SLC24A3: variants seen among roughly 807,000 people sequenced by gnomAD.
SLC24A3 encodes solute carrier family 24 member 3.
A neutral mutation model predicts 75.8 loss-of-function variants in SLC24A3; 28 were observed. The observed-to-expected ratio is 0.37, with a 90% CI of 0.27 to 0.51. The LOEUF is 0.51. Ranked by LOEUF, SLC24A3 falls within the 20% of genes least tolerant of loss-of-function variation. The probability of loss-of-function intolerance (pLI) is 0.94; values close to 1 mark genes in which losing one functional copy is unlikely to be tolerated. For missense variants in SLC24A3, 663 were observed against 847.8 expected (o/e 0.78, Z 2.71); for synonymous variants, 372 against 334.1 (o/e 1.11, Z -1.24).
chr20:19,644,557 C>A (rs1166437169), intron 6 of SLC24A3, among the ~76,000 whole-genome samples: 1 of 152,174 alleles, frequency 6.6e-6, no homozygotes, highest in Non-Finnish European at 1.5e-5. Context: ...CTGCACTCAT[C>A]AGTCTGAGAT....
rs529009940 is a variant in SLC24A3 at position 19,645,000 on chromosome 20, G to A, written c.613-9062G>A. The stretch of plus-strand genomic sequence containing the variant: ...GAGCTGTATCTGTGATGTCGTCTCC[G>A]ATAGAAATGTGAGCAATTGCGTGCT... On this transcript the variant is annotated intron_variant, in intron 6 of 16. Coordinates refer to ENST00000328041, the MANE Select transcript of SLC24A3 (RefSeq NM_020689.4). 3.0e-4 allele frequency among the ~76,000 whole-genome samples: 45 copies of A among 152,326 alleles called. No individual in the cohort carries two copies. In the South Asian group the frequency reaches 6.6e-3, roughly 22 times the overall value.
intron 15 of SLC24A3, among the ~76,000 whole-genome samples, chr20:19,707,285 GA>G (rs1468760132): frequency 2.6e-5 from 4 of 152,176 alleles, no homozygotes; most frequent in Admixed American, 6.5e-5. Flanking sequence ...ATTACAGGGA[GA>G]GGAGGTGAGA....
chr20:19,358,713 AC>A (rs1354310617), intron 2 of SLC24A3, among the ~76,000 whole-genome samples: 1 of 152,226 alleles, frequency 6.6e-6, no homozygotes, highest in Admixed American at 6.5e-5. Context: ...TTGCTGTACA[AC>A]CATCACAGAA....
chr20:19,590,877 AC>A (rs1463377142), intron 6 of SLC24A3, among the ~76,000 whole-genome samples: 1 of 152,168 alleles, frequency 6.6e-6, no homozygotes, highest in Non-Finnish European at 1.5e-5. Flanking sequence ...AGCTCTCATC[AC>A]GTTCTAGACC....
chr20:19,437,626 G>A (rs1568617801), intron 2 of SLC24A3, among the ~76,000 whole-genome samples: 1 of 152,176 alleles, frequency 6.6e-6, no homozygotes, highest in Non-Finnish European at 1.5e-5. Context: ...GGCTTATCCA[G>A]GCCAATTGAC....
chr20:19,493,109 G>A (rs146986966), intron 2 of SLC24A3, among the ~76,000 whole-genome samples: 66 of 152,322 alleles, frequency 4.3e-4, no homozygotes, highest in Middle Eastern at 3.4e-3. Flanking sequence ...GCCTGGCCTC[G>A]TTGCCATGGT....
At position 19,665,251 on chromosome 20, in the gene SLC24A3, T is replaced by C. The variant is rs544874259; in HGVS notation, c.688-613T>C. 2.6e-5 allele frequency among the ~76,000 whole-genome samples: 4 copies of C among 152,332 alleles called. No individual in the cohort carries two copies. The East Asian group carries it at 7.7e-4, about 29-fold the overall frequency. On this transcript the variant is annotated intron_variant, in intron 7 of 16. Coordinates refer to ENST00000328041, the MANE Select transcript of SLC24A3 (RefSeq NM_020689.4). ...GGCGCCAACAGTGTCCAGATGGGAT[T>C]TGCAAACACCATTTGTTGTTAATGC...
intron 8 of SLC24A3, among the ~76,000 whole-genome samples, chr20:19,670,202 GA>G (rs1324964439): frequency 6.6e-6 from 1 of 152,042 alleles, no homozygotes; most frequent in Non-Finnish European, 1.5e-5. Context: ...ACACTGAGGA[GA>G]GGGGGTGGGG....
At chr20:19,339,483 T>G (rs988637604) in intron 2 of SLC24A3, among the ~76,000 whole-genome samples, 1 of 152,220 alleles carries the variant, frequency 6.6e-6, no homozygotes, top group Non-Finnish European at 1.5e-5. Context: ...ATTTCTCATT[T>G]TATAAGGAAA....
At position 19,661,679 on chromosome 20, in the gene SLC24A3, G is replaced by A. The variant is rs1332940182; in HGVS notation, c.688-4185G>A. Among the ~76,000 whole-genome samples, 3 of 152,218 alleles carry A rather than the reference G, an allele frequency of 2.0e-5. No individual in the cohort carries two copies. The South Asian group carries it at 6.2e-4, about 32-fold the overall frequency. The stretch of plus-strand genomic sequence containing the variant: ...TTACAATACATGCTATGAAGTCTTA[G>A]CTTCAGCAATGCAGCCTCTCCTGCT... On this transcript the variant is annotated intron_variant, in intron 7 of 16. Coordinates refer to ENST00000328041, the MANE Select transcript of SLC24A3 (RefSeq NM_020689.4).
chr20:19,346,939 G>T (rs187286296), intron 2 of SLC24A3, among the ~76,000 whole-genome samples: 2 of 152,018 alleles, frequency 1.3e-5, no homozygotes, highest in African/African-American at 4.8e-5. Flanking sequence ...AATAGAACAG[G>T]ATAGACAGCC....
intron 2 of SLC24A3, among the ~76,000 whole-genome samples, chr20:19,477,172 T>A (rs998277002): frequency 5.9e-5 from 9 of 151,864 alleles, no homozygotes; most frequent in African/African-American, 1.9e-4. Flanking sequence ...ATCCAGCAGG[T>A]GGAACTCCTA....
rs201237784 is a variant in SLC24A3, at chr20:19,636,964, A to AAAG, written c.613-17084_613-17082dup. ...AAACAAGAACAAGCCGCTATTTAAA[A>AAAG]AAGAAGAAGAAGAAGACGGCAGTAG... is the stretch of plus-strand genomic sequence containing the variant. On this transcript the variant is annotated intron_variant, in intron 6 of 16. Coordinates refer to ENST00000328041, the MANE Select transcript of SLC24A3 (RefSeq NM_020689.4). Among the ~76,000 whole-genome samples, 1,176 of 152,282 alleles carry AAAG rather than the reference A, an allele frequency of 7.7e-3. 10 individuals are homozygous for AAAG. The highest frequency in any genetic ancestry group is 0.027 in the African/African-American group (1,127 of 41,550).
intron 2 of SLC24A3, among the ~76,000 whole-genome samples, chr20:19,368,360 G>T (rs1198165370): frequency 6.6e-6 from 1 of 152,184 alleles, no homozygotes; most frequent in Non-Finnish European, 1.5e-5. Flanking sequence ...GACTGCCCTG[G>T]GACCCTCGTG....
chr20:19,643,920 A>C (rs1451930980), intron 6 of SLC24A3, among the ~76,000 whole-genome samples: 1 of 152,230 alleles, frequency 6.6e-6, no homozygotes, highest in Non-Finnish European at 1.5e-5. Context: ...CTAGCTACTA[A>C]TGTGACAGGT....
chr20:19,360,725 A>ACAG (rs1408479101), intron 2 of SLC24A3, among the ~76,000 whole-genome samples: 2 of 152,272 alleles, frequency 1.3e-5, no homozygotes, highest in Non-Finnish European at 1.5e-5. Flanking sequence ...TCTAGACATC[A>ACAG]CAGCACATGT....
intron 1 of SLC24A3, among the ~76,000 whole-genome samples, chr20:19,223,713 C>A (rs1981792855): frequency 6.6e-6 from 1 of 152,138 alleles, no homozygotes; most frequent in Admixed American, 6.5e-5. Flanking sequence ...CTGTGCTCAC[C>A]CTTCTGGTGA....
chr20:19,301,667 G>A (rs976465293), intron 2 of SLC24A3, among the ~76,000 whole-genome samples: 7 of 152,148 alleles, frequency 4.6e-5, no homozygotes, highest in African/African-American at 1.7e-4. Flanking sequence ...TTTGAGGTCA[G>A]CTATTAAGTT....
At chr20:19,299,415 T>C (rs1308900964) in intron 2 of SLC24A3, among the ~76,000 whole-genome samples, 1 of 152,160 alleles carries the variant, frequency 6.6e-6, no homozygotes, top group Non-Finnish European at 1.5e-5. Flanking sequence ...TCTTTCCTCA[T>C]TCATCTTTTA....
Sources: allele counts gnomAD v4.1 joint callset (sites outside exome capture counted in the v4.1 genomes callset), GRCh38; gene constraint gnomAD v4.1.1; transcripts MANE v1.5; gene names NCBI Gene and HGNC (gene_info 2026-07-23, HGNC 2026-07-21).